The following PSD2 variants were observed in gnomAD, a reference collection of about 807,000 sequenced individuals.
PSD2 encodes pleckstrin and Sec7 domain containing 2.
PSD2 carries 38 observed loss-of-function variants against 69.8 expected under a neutral mutation model. The ratio of observed to expected loss-of-function variants is 0.54; its 90% CI spans 0.42 to 0.71. The LOEUF (loss-of-function observed/expected upper bound fraction) is 0.71, where lower values mean the gene tolerates loss of function less well. PSD2 is among the 30% of genes least tolerant of loss of function. The pLI, the probability that PSD2 is intolerant of heterozygous loss-of-function variation, is 0.00. For missense variants in PSD2, 943 were observed against 1,014.5 expected (o/e 0.93, Z 0.96); for synonymous variants, 412 against 423.0 (o/e 0.97, Z 0.32).
At chr5:139,791,236 C>T (rs1759410419), upstream of PSD2, among the ~76,000 whole-genome samples, 1 of 152,054 alleles carries the variant, frequency 6.6e-6, no homozygotes, top group Non-Finnish European at 1.5e-5. Context: ...TCAAGACCAG[C>T]CTGGGCAACA....
Position 139,833,802 on chromosome 5 carries a change from C to G in PSD2, c.1359+11C>G. 1.3e-6 allele frequency: 2 copies of G among 1,595,298 alleles called. No homozygotes were observed. Among genetic ancestry groups the G allele is most frequent in the Non-Finnish European group, 1.7e-6 (2 of 1,162,922 alleles). Reference sequence around the variant, plus strand: ...AAAGACCTGCTGAAGGTACTGTCTGCTGAGTGTCCCCATCCCACTAGCTGT... The same window carrying G: ...AAAGACCTGCTGAAGGTACTGTCTGGTGAGTGTCCCCATCCCACTAGCTGT... On this transcript the variant is annotated intron_variant, in intron 8 of 14. Transcript: ENST00000274710.
chr5:139,792,205 A>G (rs915031258), upstream of PSD2, among the ~76,000 whole-genome samples: 2 of 152,098 alleles, frequency 1.3e-5, no homozygotes, highest in Admixed American at 1.3e-4. Flanking sequence ...CAAAGCTGTG[A>G]ACACAGTAGG....
intron 7 of PSD2, among the ~76,000 whole-genome samples, chr5:139,827,213 A>G (rs1044345348): frequency 6.6e-6 from 1 of 152,240 alleles, no homozygotes; most frequent in Non-Finnish European, 1.5e-5. Context: ...AGAGAGCCAC[A>G]GTGTCTACTA....
At chr5:139,824,317 C>T (rs1760353606) in intron 7 of PSD2, among the ~76,000 whole-genome samples, 1 of 151,850 alleles carries the variant, frequency 6.6e-6, no homozygotes, top group Admixed American at 6.6e-5. Context: ...AATGTCAGCA[C>T]TTCATAGATT....
rs1267968359 is a variant in PSD2, at chr5:139,836,900, G to T, written c.1493G>T (p.Gly498Val). Residue 498 changes from glycine (G) to valine (V), a missense_variant, in exon 10 of 15, where the codon GGT becomes GTT. Gly to Val is a moderately radical substitution (Grantham distance 109, BLOSUM62 -3). Transcript: ENST00000274710. ...GTKKVTRILD[G>V]GNPFLDVPQA... is the part of the protein sequence containing the mutation. ...AAGAAGGTGACGCGAATCCTGGATG[G>T]TGGCAACCCCTTCCTGGATGTCCCA... The T allele has an allele frequency of 1.2e-6, 2 of 1,614,162 alleles. No individual in the cohort carries two copies. Among genetic ancestry groups the T allele is most frequent in the East Asian group, 2.2e-5 (1 of 44,878 alleles).
chr5:139,830,667 TTTA>T (rs1199427845), intron 7 of PSD2, among the ~76,000 whole-genome samples: 4 of 145,992 alleles, frequency 2.7e-5, no homozygotes, highest in Non-Finnish European at 4.5e-5. Context: ...TCTTTCTTTC[TTTA>T]TTTCTCTTTC....
the PSD2 span, among the ~76,000 whole-genome samples, chr5:139,767,716 A>G: frequency 5.9e-5 from 9 of 152,356 alleles, no homozygotes; most frequent in Admixed American, 4.6e-4. Context: ...GATGAGGATG[A>G]TATTGGAGAG....
intron 7 of PSD2, among the ~76,000 whole-genome samples, chr5:139,823,534 A>G (rs1415931185): frequency 1.3e-5 from 2 of 152,278 alleles, no homozygotes; most frequent in Non-Finnish European, 2.9e-5. Flanking sequence ...TATGGGGGTG[A>G]AAGAAAGAGC....
At chr5:139,772,852 G>A in the PSD2 span, 1 of 152,146 alleles carries the variant, frequency 6.6e-6, no homozygotes, top group African/African-American at 2.4e-5. Flanking sequence ...CCTCCCCGCA[G>A]GCTGTGAGCT....
At position 139,826,230 on chromosome 5, in the gene PSD2, G is replaced by A. The variant is rs190305719; in HGVS notation, c.1269+3446G>A. On this transcript the variant is annotated intron_variant, in intron 7 of 14. Coordinates refer to ENST00000274710, the MANE Select transcript of PSD2 (RefSeq NM_032289.4). ...AGTGGGTGAGATGAGCTCAAGAGGC[G>A]AGGGTGTGGTGGCCATAGACAGCTC... 1.4e-4 allele frequency among the ~76,000 whole-genome samples: 21 copies of A among 152,322 alleles called. 1 individual carries two copies. Among genetic ancestry groups the A allele is most frequent in the Admixed American group, 9.1e-4 (14 of 15,310 alleles).
chr5:139,783,384 A>G, the PSD2 span, among the ~76,000 whole-genome samples: 1 of 152,202 alleles, frequency 6.6e-6, no homozygotes, highest in Non-Finnish European at 1.5e-5. Flanking sequence ...GAAGGCTACA[A>G]TGAGCTATGA....
At chr5:139,813,784 A>G in intron 3 of PSD2, 26 bp downstream of exon 3, 1 of 1,563,962 alleles carries the variant, frequency 6.4e-7, no homozygotes, top group East Asian at 2.3e-5. Context: ...GGCTGGGAGA[A>G]CCACCGAGCA....
rs372982114 is a variant in PSD2, at chr5:139,842,589, G to A, written c.*115G>A. ...TCCAGTCAGTTGATGGGCAGCTAGA[G>A]GGGTGCAGAAAGCCTGTGGGCCCAG... On this transcript the variant is annotated 3_prime_UTR_variant, in exon 15 of 15. Coordinates refer to ENST00000274710, the MANE Select transcript of PSD2 (RefSeq NM_032289.4). The A allele has an allele frequency of 9.7e-6, 9 of 925,310 alleles. No individual in the cohort carries two copies. Among genetic ancestry groups the A allele is most frequent in the Middle Eastern group, 3.4e-4 (1 of 2,940 alleles). 57.3% of individuals were successfully genotyped at this position (925,310 alleles called of 1,614,324 possible).
the PSD2 span, among the ~76,000 whole-genome samples, chr5:139,784,369 C>T: frequency 2.6e-5 from 4 of 152,138 alleles, no homozygotes; most frequent in Admixed American, 6.5e-5. Flanking sequence ...TTTCTGTCTG[C>T]CACTCTGACA....
chr5:139,762,746 G>A, the PSD2 span, among the ~76,000 whole-genome samples: 9 of 152,106 alleles, frequency 5.9e-5, no homozygotes, highest in East Asian at 1.6e-3. Context: ...ACCCCTCCCG[G>A]CAGACCCCTC....
rs2126941287 is a variant in PSD2, at chr5:139,814,945, A to G, written c.1016+581A>G. On this transcript the variant is annotated intron_variant, in intron 4 of 14. Transcript: ENST00000274710. The surrounding 1 kb of genome is among the most constrained non-coding windows in gnomAD (Gnocchi z 4.4). ...AAGTCTGCCGGCACATTCTGCTCAC[A>G]TCTGACCACCAGTGTGACCACCCAC... Among the ~76,000 whole-genome samples, 1 of 152,190 alleles carries G rather than the reference A, an allele frequency of 6.6e-6. No homozygotes were observed. The highest frequency in any genetic ancestry group is 1.5e-5 in the Non-Finnish European group (1 of 67,996).
chr5:139,780,014 T>C, the PSD2 span, among the ~76,000 whole-genome samples: 1 of 152,248 alleles, frequency 6.6e-6, no homozygotes, highest in Non-Finnish European at 1.5e-5. Flanking sequence ...TGTGAATATA[T>C]GTTTTCATTT....
At chr5:139,815,503 C>T (rs2126941990) in intron 4 of PSD2, among the ~76,000 whole-genome samples, 1 of 152,254 alleles carries the variant, frequency 6.6e-6, no homozygotes, top group East Asian at 1.9e-4. Flanking sequence ...GCCTCTATCC[C>T]CTTTCTTTCT....
Position 139,839,428 on chromosome 5 carries a change from A to G in PSD2, c.1969-599A>G, listed in dbSNP as rs1760816022. Among the ~76,000 whole-genome samples, 1 of 152,256 alleles carries G rather than the reference A, an allele frequency of 6.6e-6. No individual in the cohort carries two copies. The highest frequency in any genetic ancestry group is 2.4e-5 in the African/African-American group (1 of 41,468). On this transcript the variant is annotated intron_variant, in intron 13 of 14. Coordinates refer to ENST00000274710, the MANE Select transcript of PSD2 (RefSeq NM_032289.4). This position sits in a 1 kb window ranked among gnomAD's most constrained non-coding sequence, Gnocchi z 5.1. ...ACAAACCATACACATTCACATGTGT[A>G]AACACACAGGTGGTGACTCATACAC...
Sources: gnomAD v4.1 joint callset for allele counts (sites outside exome capture counted in the v4.1 genomes callset) on GRCh38, gnomAD v4.1.1 for gene constraint, Gnocchi (gnomAD v3.1) non-coding constraint, MANE v1.5 for transcripts, NCBI Gene and HGNC (gene_info 2026-07-23, HGNC 2026-07-21) for gene names.